Variants in IFT74 observed in about 807,000 individuals in gnomAD.
IFT74 encodes intraflagellar transport 74, also known as intraflagellar transport protein 74 homolog.
A neutral mutation model predicts 96.7 loss-of-function variants in IFT74; 92 were observed. The ratio of observed to expected loss-of-function variants is 0.95; its 90% confidence interval spans 0.80 to 1.13. IFT74 has a LOEUF of 1.13. Among genes scored for constraint, IFT74 ranks in the 50% most tolerant of loss-of-function variants. The pLI is 0.00. For missense variants in IFT74, 811 were observed against 698.2 expected, an observed-to-expected ratio of 1.16 and a Z score of -1.82; for synonymous variants, 223 against 213.2, an observed-to-expected ratio of 1.05 and a Z score of -0.40.
intron 13 of IFT74, chr9:27,036,675 G>T: frequency 1.5e-6 from 2 of 1,324,842 alleles, no homozygotes; most frequent in Non-Finnish European, 1.9e-6. Context: ...TTCACTCTTT[G>T]CTTCTGTGAA....
At chr9:27,024,788 T>C (rs1829778338) in intron 12 of IFT74, among the ~76,000 whole-genome samples, 3 of 151,686 alleles carry the variant, frequency 2.0e-5, no homozygotes, top group African/African-American at 7.3e-5. Context: ...GAAAAAAATC[T>C]CCAGAGAAAT....
intron 16 of IFT74, among the ~76,000 whole-genome samples, chr9:27,055,166 G>C (rs1474576069): frequency 6.6e-6 from 1 of 152,022 alleles, no homozygotes; most frequent in Non-Finnish European, 1.5e-5. Context: ...TAACTTCATA[G>C]GACATAACTA....
At chr9:26,972,701 A>AT (rs968269760) in intron 2 of IFT74, among the ~76,000 whole-genome samples, 7 of 152,096 alleles carry the variant, frequency 4.6e-5, no homozygotes, top group Non-Finnish European at 8.8e-5. Context: ...AATCCTAAAA[A>AT]TTTTTTTGGT....
At chr9:27,043,555 C>G (rs950130861) in intron 13 of IFT74, among the ~76,000 whole-genome samples, 1 of 152,184 alleles carries the variant, frequency 6.6e-6, no homozygotes, top group Non-Finnish European at 1.5e-5. Flanking sequence ...CTCTGTGAGG[C>G]CTAAATGGCA....
At chr9:27,017,755 G>A (rs531211986) in intron 11 of IFT74, among the ~76,000 whole-genome samples, 116 of 152,198 alleles carry the variant, frequency 7.6e-4, no homozygotes, top group African/African-American at 2.7e-3. Flanking sequence ...TGAAATTATC[G>A]TATGTCCTAA....
rs182327872 is a variant in IFT74 at position 26,963,776 on chromosome 9, G to C, written c.120+1689G>C. 9.9e-3 allele frequency among the ~76,000 whole-genome samples: 1,505 copies of C among 152,258 alleles called. 18 individuals are homozygous for C. Among genetic ancestry groups the C allele is most frequent in the African/African-American group, 0.034 (1,415 of 41,518 alleles). On this transcript the variant is annotated intron_variant, in intron 2 of 19. Transcript: ENST00000380062. ...TGTCTTCTTTTGGGAAGTGTCGGTT[G>C]ATGTCTTTCGCCCACTTTTTGATGG...
rs1277081380 is a variant in IFT74, at chr9:27,063,854, G to C, written c.*1118G>C. ...AGGAGTGAGCATTGTTGAGTTTGCT[G>C]AACTCTGGATTACTAATATGGCTGA... On this transcript the variant is annotated 3_prime_UTR_variant, in exon 20 of 20. Coordinates refer to ENST00000380062, the MANE Select transcript of IFT74 (RefSeq NM_025103.4). Among the ~76,000 whole-genome samples, 1 of 151,994 alleles carries C rather than the reference G, an allele frequency of 6.6e-6. No homozygotes were observed. Among genetic ancestry groups the C allele is most frequent in the Non-Finnish European group, 1.5e-5 (1 of 67,914 alleles).
chr9:27,017,165 A>G (rs1829387299), intron 11 of IFT74, 115 bp downstream of exon 11: 1 of 673,042 alleles, frequency 1.5e-6, no homozygotes, highest in Non-Finnish European at 2.3e-6. Context: ...TATTGTCTAA[A>G]AATAGTTTAT....
chr9:27,053,147 G>C (rs1220886236), intron 16 of IFT74, among the ~76,000 whole-genome samples: 1 of 141,182 alleles, frequency 7.1e-6, no homozygotes, highest in African/African-American at 2.7e-5. Flanking sequence ...ACAGGCGTGA[G>C]CACCGCGCCT....
chr9:27,064,144 G>T lies in IFT74; in HGVS notation c.*1408G>T, dbSNP rs999589220. Among the ~76,000 whole-genome samples the T allele has an allele frequency of 6.6e-6, 1 of 152,068 alleles. No individual in the cohort carries two copies. Among genetic ancestry groups the T allele is most frequent in the African/African-American group, 2.4e-5 (1 of 41,426 alleles). Reference sequence around the variant, plus strand: ...TCCACAAAACCCTAACTTTCACAGAGCCTAGGTCACATGAGATGTGTCATT... The same window carrying T: ...TCCACAAAACCCTAACTTTCACAGATCCTAGGTCACATGAGATGTGTCATT... On this transcript the variant is annotated 3_prime_UTR_variant, in exon 20 of 20. Transcript: ENST00000380062.
At chr9:26,992,138 A>G (rs1258791706) in intron 8 of IFT74, among the ~76,000 whole-genome samples, 1 of 152,176 alleles carries the variant, frequency 6.6e-6, no homozygotes, top group Non-Finnish European at 1.5e-5. Context: ...TCTCAAAGTT[A>G]TATAATACCT....
chr9:26,999,728 TTAAGGA>T, intron 8 of IFT74: 1 of 1,450,668 alleles, frequency 6.9e-7, no homozygotes, highest in East Asian at 2.3e-5. Flanking sequence ...AGTATTTTCA[TTAAGGA>T]CATTTTTATT....
At chr9:27,052,476 C>T (rs2131696010) in intron 16 of IFT74, among the ~76,000 whole-genome samples, 1 of 146,968 alleles carries the variant, frequency 6.8e-6, no homozygotes, top group African/African-American at 2.5e-5. Context: ...CCATTGCACT[C>T]CAGCCTGGGC....
At chr9:27,055,479 G>A (rs1820119942) in intron 16 of IFT74, 130 bp from the exon 17 acceptor site, 6 of 614,054 alleles carry the variant, frequency 9.8e-6, no homozygotes, top group Non-Finnish European at 1.6e-5. Context: ...TTATCTCACT[G>A]GTTACAGTGA....
At chr9:26,993,921 T>C (rs1461810423) in intron 8 of IFT74, 1 of 152,248 alleles carries the variant, frequency 6.6e-6, no homozygotes, top group Admixed American at 6.5e-5. Flanking sequence ...AAATTCTTAA[T>C]TTCTCTGCAT....
chr9:26,955,936 T>C (rs1388636430), upstream of IFT74: 2 of 151,912 alleles, frequency 1.3e-5, no homozygotes, highest in African/African-American at 4.8e-5. Flanking sequence ...GACGCAAAGC[T>C]TCTGGTGAAA....
intron 6 of IFT74, among the ~76,000 whole-genome samples, chr9:26,985,520 A>T (rs931821421): frequency 1.3e-5 from 2 of 152,188 alleles, no homozygotes; most frequent in African/African-American, 4.8e-5. Context: ...TAAAATACCA[A>T]ATAGTACATG....
At chr9:26,977,447 C>T (rs537160341) in intron 2 of IFT74, among the ~76,000 whole-genome samples, 121 of 152,278 alleles carry the variant, frequency 7.9e-4, no homozygotes, top group Middle Eastern at 3.4e-3. Context: ...CAAACAAAAA[C>T]GGAATTATAA....
At chr9:26,947,131 G>C in exon 1 of IFT74, 1 of 1,384,700 alleles carries the variant, frequency 7.2e-7, no homozygotes, top group South Asian at 1.6e-5. Context: ...GGCCGCGGCG[G>C]GAGAAGAGCC....
Sources: allele counts gnomAD v4.1 joint callset (sites outside exome capture counted in the v4.1 genomes callset), GRCh38; gene constraint gnomAD v4.1.1; transcripts MANE v1.5; gene names NCBI Gene and HGNC (gene_info 2026-07-23, HGNC 2026-07-21).